CHL1: variants seen among roughly 807,000 people sequenced by gnomAD.
The protein encoded by CHL1 is neural cell adhesion molecule L1-like protein.
Under a neutral mutation model 141.9 loss-of-function variants are expected in CHL1, and 96 were observed. That is an observed-to-expected ratio of 0.68 (90% CI 0.57 to 0.80). The LOEUF (loss-of-function observed/expected upper bound fraction) is 0.80. Ranked by LOEUF, CHL1 falls within the 30% of genes least tolerant of loss-of-function variation. The pLI, the probability that CHL1 is intolerant of heterozygous loss-of-function variation, is 0.00. For synonymous variants in CHL1, 613 were observed against 502.2 expected (o/e 1.22, Z -2.95); for missense variants, 1,820 against 1,457.2 (o/e 1.25, Z -4.05).
At chr3:337,185 G>GTTTTTTTTTTTTTTTTTT (rs1159691986) in intron 5 of CHL1, among the ~76,000 whole-genome samples, 1 of 81,118 alleles carries the variant, frequency 1.2e-5, no homozygotes, top group Non-Finnish European at 2.4e-5. Flanking sequence ...ACATTCTTTT[G>GTTTTTTTTTTTTTTTTTT]TTTTTGTTTT....
intron 3 of CHL1, among the ~76,000 whole-genome samples, chr3:321,273 A>T (rs1461986238): frequency 6.6e-6 from 1 of 152,108 alleles, no homozygotes; most frequent in Non-Finnish European, 1.5e-5. Context: ...TGACATTTCC[A>T]TTTCTTAAGA....
At chr3:391,511 T>A (rs939400466) in intron 22 of CHL1, among the ~76,000 whole-genome samples, 164 bp from the exon 23 acceptor site, 2 of 152,186 alleles carry the variant, frequency 1.3e-5, no homozygotes, top group Admixed American at 1.3e-4. Context: ...CGTGAGACTC[T>A]GTCTCAAAAA....
At chr3:365,422 G>T (rs1234718793) in intron 14 of CHL1, among the ~76,000 whole-genome samples, 1 of 152,056 alleles carries the variant, frequency 6.6e-6, no homozygotes, top group Non-Finnish European at 1.5e-5. Flanking sequence ...TCCCTTCTAG[G>T]CTCTGGAGAC....
chr3:209,446 T>C (rs563908924), intron 1 of CHL1, among the ~76,000 whole-genome samples: 1 of 152,308 alleles, frequency 6.6e-6, no homozygotes, highest in Admixed American at 6.5e-5. Context: ...AAAAAATAAA[T>C]TGACATACCA....
intron 17 of CHL1, 80 bp from the exon 18 acceptor site, chr3:382,394 T>C: frequency 6.8e-7 from 1 of 1,479,404 alleles, no homozygotes. Context: ...CTTTTGAACT[T>C]TTAATATTGA....
At chr3:241,930 A>G (rs1043037728) in intron 1 of CHL1, among the ~76,000 whole-genome samples, 1 of 152,184 alleles carries the variant, frequency 6.6e-6, no homozygotes, top group Admixed American at 6.5e-5. Flanking sequence ...AATGCTTTCT[A>G]GAGTAAATAA....
In CHL1 at chr3:331,696, A is replaced by T. The variant is rs188921482; in HGVS notation, c.385+3342A>T. Among the ~76,000 whole-genome samples, 690 of 152,352 alleles carry T rather than the reference A, an allele frequency of 4.5e-3. 1 individual carries two copies. The highest frequency in any genetic ancestry group is 7.2e-3 in the Non-Finnish European group (489 of 68,026). On this transcript the variant is annotated intron_variant, in intron 5 of 27. Transcript: ENST00000256509. The stretch of plus-strand genomic sequence containing the variant: ...ACAACTCAGATAAAAATTATTGATA[A>T]TGCATATAACTAAAAATGGTATGTA...
chr3:379,398 T>A (rs1706746613), intron 16 of CHL1, among the ~76,000 whole-genome samples: 1 of 152,086 alleles, frequency 6.6e-6, no homozygotes, highest in African/African-American at 2.4e-5. Context: ...TATTTGAGCA[T>A]TTTCAGGTCT....
At position 236,826 on chromosome 3, in the gene CHL1, T is replaced by C. The variant is rs552270040; in HGVS notation, c.-174-7787T>C. On this transcript the variant is annotated intron_variant, in intron 1 of 27. Coordinates refer to ENST00000256509, the MANE Select transcript of CHL1 (RefSeq NM_006614.4). ...CCTCTTAAATAATGTAGTGCCTTTC[T>C]CTGTACCTCCTTCAGTCCCATTATT... 2.0e-5 allele frequency among the ~76,000 whole-genome samples: 3 copies of C among 151,934 alleles called. No homozygotes were observed. The South Asian group carries it at 6.2e-4, about 31-fold the overall frequency.
At chr3:209,206 T>C (rs1229283513) in intron 1 of CHL1, among the ~76,000 whole-genome samples, 1 of 152,234 alleles carries the variant, frequency 6.6e-6, no homozygotes, top group Non-Finnish European at 1.5e-5. Context: ...GACTATTTGC[T>C]CTTAATTTAG....
chr3:345,628 T>C lies in CHL1; in HGVS notation c.848+919T>C, dbSNP rs1423410663. On this transcript the variant is annotated intron_variant, in intron 9 of 27. Coordinates refer to ENST00000256509, the MANE Select transcript of CHL1 (RefSeq NM_006614.4). The stretch of plus-strand genomic sequence containing the variant: ...CCTCCTGAGTAGCTGAAGCTACAGG[T>C]GTGTGCCACCACACCTGGCCAGTTT... 5.3e-5 allele frequency among the ~76,000 whole-genome samples: 8 copies of C among 151,904 alleles called. No homozygotes were observed. The East Asian group carries it at 9.7e-4, about 18-fold the overall frequency.
intron 27 of CHL1, among the ~76,000 whole-genome samples, chr3:405,252 A>G (rs562897967): frequency 1.3e-5 from 2 of 152,168 alleles, no homozygotes; most frequent in Non-Finnish European, 2.9e-5. Context: ...GAGAAGCACA[A>G]ATGTTGTGAA....
intron 2 of CHL1, among the ~76,000 whole-genome samples, chr3:302,718 C>T (rs1473215870): frequency 1.3e-5 from 2 of 152,128 alleles, no homozygotes; most frequent in Non-Finnish European, 2.9e-5. Flanking sequence ...ATGATAGTTT[C>T]TTTTGCTGTG....
chr3:198,169 GA>G (rs2125309813), intron 1 of CHL1: 1 of 193,642 alleles, frequency 5.2e-6, no homozygotes, highest in South Asian at 7.6e-5. Context: ...GGCGGGCGGG[GA>G]AGGGGTGGGA....
intron 2 of CHL1, among the ~76,000 whole-genome samples, chr3:312,323 C>G (rs372855968): frequency 2.0e-5 from 3 of 152,190 alleles, no homozygotes; most frequent in East Asian, 3.8e-4. Flanking sequence ...TGTCGTGTCA[C>G]TGCGGTGTTA....
intron 1 of CHL1, among the ~76,000 whole-genome samples, chr3:198,570 C>A (rs1698621951): frequency 6.6e-6 from 1 of 152,164 alleles, no homozygotes; most frequent in Non-Finnish European, 1.5e-5. Flanking sequence ...ATTATCGATA[C>A]CCTCTATACT....
chr3:241,203 C>A (rs923569769), intron 1 of CHL1, among the ~76,000 whole-genome samples: 1 of 152,098 alleles, frequency 6.6e-6, no homozygotes, highest in African/African-American at 2.4e-5. Context: ...CAGTTCAGTG[C>A]ATAAGGAGAA....
At chr3:256,402 A>T (rs1331353121) in intron 2 of CHL1, among the ~76,000 whole-genome samples, 1 of 152,218 alleles carries the variant, frequency 6.6e-6, no homozygotes, top group African/African-American at 2.4e-5. Context: ...TATGAATAGA[A>T]TTATCTAGAG....
intron 1 of CHL1, among the ~76,000 whole-genome samples, chr3:229,862 C>A (rs565432393): frequency 3.3e-5 from 5 of 152,290 alleles, no homozygotes; most frequent in African/African-American, 9.6e-5. Context: ...GCCCCACCAC[C>A]TCTTCCCTCA....
Sources: gnomAD v4.1 joint callset for allele counts (sites outside exome capture counted in the v4.1 genomes callset) on GRCh38, gnomAD v4.1.1 for gene constraint, MANE v1.5 for transcripts, NCBI Gene and HGNC (gene_info 2026-07-23, HGNC 2026-07-21) for gene names.